Variants in NEBL observed in about 807,000 individuals in gnomAD.
NEBL encodes the protein nebulette.
A neutral mutation model predicts 140.2 loss-of-function variants in NEBL; 122 were observed. The ratio of observed to expected loss-of-function variants is 0.87; its 90% CI spans 0.75 to 1.01. The LOEUF (loss-of-function observed/expected upper bound fraction) is 1.01, where lower values mean the gene tolerates loss of function less well. Among genes scored for constraint, NEBL ranks in the 50% least tolerant of loss-of-function variants. NEBL has a pLI of 0.00. For missense variants in NEBL, 1,365 were observed against 1,231.3 expected, an observed-to-expected ratio of 1.11 and a Z score of -1.62; for synonymous variants, 436 against 398.9, an observed-to-expected ratio of 1.09 and a Z score of -1.11.
At chr10:21,233,569 GATAT>G (rs953331745) in intron 3 of NEBL, among the ~76,000 whole-genome samples, 2 of 143,686 alleles carry the variant, frequency 1.4e-5, no homozygotes, top group African/African-American at 5.1e-5. Flanking sequence ...TATAGATATG[GATAT>G]ATATACACAT....
chr10:21,212,437 C>G (rs748657847), intron 3 of NEBL, among the ~76,000 whole-genome samples: 4 of 152,176 alleles, frequency 2.6e-5, no homozygotes, highest in Non-Finnish European at 5.9e-5. Context: ...GCGCCTACCC[C>G]TCCTCAGAGT....
chr10:21,077,300 G>A (rs1363584120), intron 2 of NEBL, among the ~76,000 whole-genome samples: 2 of 152,232 alleles, frequency 1.3e-5, no homozygotes, highest in East Asian at 3.9e-4. Context: ...ATGGAGCAAG[G>A]TACATTTTAA....
chr10:21,192,933 C>T (rs944251704), intron 3 of NEBL, among the ~76,000 whole-genome samples: 4 of 151,988 alleles, frequency 2.6e-5, no homozygotes, highest in African/African-American at 7.2e-5. Context: ...ATACCAATGA[C>T]GTGATGAGAG....
intron 2 of NEBL, among the ~76,000 whole-genome samples, chr10:21,027,698 T>C (rs1364021097): frequency 6.6e-6 from 1 of 152,142 alleles, no homozygotes; most frequent in Non-Finnish European, 1.5e-5. Flanking sequence ...TTTTAGCTCC[T>C]CCTCTCTGAG....
chr10:21,102,041 G>A (rs961726361), intron 2 of NEBL, among the ~76,000 whole-genome samples: 5 of 152,100 alleles, frequency 3.3e-5, no homozygotes, highest in Admixed American at 2.0e-4. Flanking sequence ...TTCCGTTAAG[G>A]GCTTAATTAA....
At chr10:21,252,401 T>TA (rs1842598720) in intron 1 of NEBL, among the ~76,000 whole-genome samples, 1 of 152,124 alleles carries the variant, frequency 6.6e-6, no homozygotes. Context: ...GATTGATTGA[T>TA]AGATAGATAG....
chr10:21,108,743 T>C lies in NEBL; in HGVS notation c.164+63640A>G, dbSNP rs113812586. Among the ~76,000 whole-genome samples the C allele has an allele frequency of 2.3e-3, 348 of 152,304 alleles. 2 individuals carry two copies. Among genetic ancestry groups the C allele is most frequent in the African/African-American group, 7.5e-3 (310 of 41,564 alleles). On this transcript the variant is annotated intron_variant, in intron 2 of 6. Transcript: ENST00000417816. Reference sequence around the variant, plus strand: ...GTTAACCTTCTGTCTCATTGATCTGTCTAATATTAGCAGTGGGGTGTTAAA... The same window carrying C: ...GTTAACCTTCTGTCTCATTGATCTGCCTAATATTAGCAGTGGGGTGTTAAA...
intron 5 of NEBL, among the ~76,000 whole-genome samples, chr10:20,875,210 T>A (rs2131280456): frequency 6.6e-6 from 1 of 152,272 alleles, no homozygotes; most frequent in Non-Finnish European, 1.5e-5. Context: ...CTCCTTATAA[T>A]CCTCCCACTT....
rs1477799838 is a variant in NEBL at position 21,173,401 on chromosome 10, G to A, written c.69+364C>T. 6.8e-6 allele frequency among the ~76,000 whole-genome samples: 1 copy of A among 147,578 alleles called. No individual in the cohort carries two copies. Among genetic ancestry groups the A allele is most frequent in the Non-Finnish European group, 1.5e-5 (1 of 66,556 alleles). ...CGGATCTGTGGGGCGGGGGGCGGGG[G>A]TATTGTGGAACACGAGTGGAGGTGG... On this transcript the variant is annotated intron_variant, in intron 1 of 6. Coordinates refer to the NEBL transcript ENST00000417816. This position sits in a 1 kb window ranked among gnomAD's most constrained non-coding sequence, Gnocchi z 5.7.
At chr10:20,812,396 T>C (rs1170160899) in intron 24 of NEBL, among the ~76,000 whole-genome samples, 1 of 151,978 alleles carries the variant, frequency 6.6e-6, no homozygotes, top group Non-Finnish European at 1.5e-5. Flanking sequence ...TACGTATACA[T>C]GTGCCACGTT....
At chr10:21,110,659 AC>A in intron 2 of NEBL, 1 of 430,060 alleles carries the variant, frequency 2.3e-6, no homozygotes, top group South Asian at 1.8e-5. Context: ...CTTCTCTCCT[AC>A]CTAAGCATAT....
At chr10:21,206,631 G>T (rs1449436663) in intron 3 of NEBL, among the ~76,000 whole-genome samples, 1 of 152,170 alleles carries the variant, frequency 6.6e-6, no homozygotes, top group Non-Finnish European at 1.5e-5. Context: ...TTGTAGTAGG[G>T]CCACTGAATG....
chr10:20,801,991 T>C (rs748946063), intron 26 of NEBL, among the ~76,000 whole-genome samples: 1 of 152,194 alleles, frequency 6.6e-6, no homozygotes, highest in Non-Finnish European at 1.5e-5. Context: ...AAAATATTTA[T>C]TTTGAAAAGT....
At chr10:21,148,620 C>G (rs899847589) in intron 2 of NEBL, among the ~76,000 whole-genome samples, 2 of 152,024 alleles carry the variant, frequency 1.3e-5, no homozygotes, top group African/African-American at 4.8e-5. Flanking sequence ...CCACCTCCTG[C>G]GTGGAAGCGA....
chr10:20,967,776 T>C (rs1188672121), intron 3 of NEBL, among the ~76,000 whole-genome samples: 1 of 152,204 alleles, frequency 6.6e-6, no homozygotes, highest in South Asian at 2.1e-4. Flanking sequence ...TTACATTTGA[T>C]GGCGAATTCA....
chr10:21,110,265 A>C lies in NEBL; in HGVS notation c.164+62118T>G, dbSNP rs1464777890. ...TTTCCTTCAATCTTTGTTAGAACTC[A>C]CCAGTGAAGGCAACTGAGTCTGGAG... On this transcript the variant is annotated intron_variant, in intron 2 of 6. Transcript: ENST00000417816. Among the ~76,000 whole-genome samples, 4 of 152,140 alleles carry C rather than the reference A, an allele frequency of 2.6e-5. No homozygotes were observed. The East Asian group carries it at 7.7e-4, about 29-fold the overall frequency.
intron 4 of NEBL, among the ~76,000 whole-genome samples, chr10:20,948,106 G>C: frequency 6.6e-6 from 1 of 152,232 alleles, no homozygotes; most frequent in East Asian, 1.9e-4. Flanking sequence ...CTTTAGAGTT[G>C]AGTGTTGTTC....
chr10:20,997,164 T>C (rs1367415566), intron 3 of NEBL, among the ~76,000 whole-genome samples: 2 of 152,194 alleles, frequency 1.3e-5, no homozygotes, highest in Non-Finnish European at 2.9e-5. Flanking sequence ...AGCCAAACTC[T>C]TTAATCCTAA....
chr10:21,016,277 C>T (rs1838551774), intron 3 of NEBL, among the ~76,000 whole-genome samples: 1 of 152,212 alleles, frequency 6.6e-6, no homozygotes, highest in Non-Finnish European at 1.5e-5. Context: ...GCCTATGAAC[C>T]ACTGGCTTTG....
Sources: gnomAD v4.1 joint callset for allele counts (sites outside exome capture counted in the v4.1 genomes callset) on GRCh38, gnomAD v4.1.1 for gene constraint, Gnocchi (gnomAD v3.1) non-coding constraint, MANE v1.5 for transcripts, NCBI Gene and HGNC (gene_info 2026-07-23, HGNC 2026-07-21) for gene names.